ATOSA: variants seen among roughly 807,000 people sequenced by gnomAD.
The protein encoded by ATOSA is atos homolog protein A.
chr15:52,611,561 G>A, the ATOSA span: 9 of 1,612,758 alleles, frequency 5.6e-6, no homozygotes, highest in African/African-American at 2.7e-5. Flanking sequence ...TTTGAACTAC[G>A]TTCAACAACT....
chr15:52,666,750 G>A, the ATOSA span, among the ~76,000 whole-genome samples: 1 of 152,202 alleles, frequency 6.6e-6, no homozygotes, highest in Non-Finnish European at 1.5e-5. Context: ...ATGCAGCAGT[G>A]AACAAATGCC....
the ATOSA span, chr15:52,584,780 T>C: frequency 6.2e-6 from 10 of 1,613,778 alleles, no homozygotes; most frequent in Admixed American, 8.3e-5. Context: ...ACCGTTCTTC[T>C]GTGTGTCGGA....
the ATOSA span, chr15:52,649,681 CAA>C: frequency 6.6e-6 from 1 of 152,122 alleles, no homozygotes; most frequent in East Asian, 1.9e-4. Flanking sequence ...ATGACATAGA[CAA>C]AGACAATAAA....
chr15:52,660,604 C>T, the ATOSA span, among the ~76,000 whole-genome samples: 4 of 152,306 alleles, frequency 2.6e-5, no homozygotes, highest in Non-Finnish European at 4.4e-5. Flanking sequence ...AATTTATTAA[C>T]AATAACAACA....
the ATOSA span, chr15:52,678,242 G>C: frequency 1.6e-6 from 1 of 619,542 alleles, no homozygotes; most frequent in Non-Finnish European, 2.8e-6. Context: ...CCCTCGGCTG[G>C]TCTGAAAAAA....
At chr15:52,666,389 C>A in the ATOSA span, among the ~76,000 whole-genome samples, 1 of 152,178 alleles carries the variant, frequency 6.6e-6, no homozygotes, top group Admixed American at 6.5e-5. Context: ...GAACCTCGCA[C>A]AATACCTGAT....
chr15:52,638,418 C>T, the ATOSA span, among the ~76,000 whole-genome samples: 2 of 152,056 alleles, frequency 1.3e-5, no homozygotes, highest in Admixed American at 1.3e-4. Context: ...AAAAGAGTAC[C>T]ACTGTGGGCC....
chr15:52,604,655 T>C, the ATOSA span, among the ~76,000 whole-genome samples: 1 of 152,162 alleles, frequency 6.6e-6, no homozygotes, highest in Non-Finnish European at 1.5e-5. Context: ...TTGTGTTGCA[T>C]AACTAGGGGG....
At chr15:52,600,937 C>A in the ATOSA span, 23 of 579,422 alleles carry the variant, frequency 4.0e-5, no homozygotes, top group Admixed American at 1.1e-4. Context: ...CCACACTCAT[C>A]CTTAATAACT....
chr15:52,626,299 A>G, the ATOSA span, among the ~76,000 whole-genome samples: 7 of 152,274 alleles, frequency 4.6e-5, no homozygotes, highest in Non-Finnish European at 8.8e-5. Flanking sequence ...GTACTACGGG[A>G]AAAGTCTAGA....
chr15:52,641,660 C>G, the ATOSA span, among the ~76,000 whole-genome samples: 1 of 152,186 alleles, frequency 6.6e-6, no homozygotes, highest in Non-Finnish European at 1.5e-5. Flanking sequence ...ATTCATTACT[C>G]TCTGTGCAAA....
the ATOSA span, among the ~76,000 whole-genome samples, chr15:52,682,265 A>G: frequency 6.6e-6 from 1 of 151,820 alleles, no homozygotes; most frequent in African/African-American, 2.4e-5. Flanking sequence ...TGTGGGTTGA[A>G]ATGTGTTCTC....
chr15:52,672,236 C>T, the ATOSA span, among the ~76,000 whole-genome samples: 2,126 of 145,518 alleles, frequency 0.015, 40 homozygotes, highest in African/African-American at 0.043. Flanking sequence ...GTAGTCCCAG[C>T]TACTCTGGAA....
At chr15:52,655,096 G>A in the ATOSA span, among the ~76,000 whole-genome samples, 1 of 152,102 alleles carries the variant, frequency 6.6e-6, no homozygotes, top group Non-Finnish European at 1.5e-5. Context: ...AACCAAGTGG[G>A]TAAAGCCAGG....
the ATOSA span, among the ~76,000 whole-genome samples, chr15:52,640,717 T>C: frequency 6.6e-6 from 1 of 151,624 alleles, no homozygotes; most frequent in African/African-American, 2.4e-5. Context: ...TATATACTAC[T>C]AGATCTGAAA....
the ATOSA span, among the ~76,000 whole-genome samples, chr15:52,615,861 G>A: frequency 6.6e-6 from 1 of 152,186 alleles, no homozygotes; most frequent in South Asian, 2.1e-4. Flanking sequence ...CCTCAGAACA[G>A]CTCTAGAAGG....
At chr15:52,674,459 A>T in the ATOSA span, among the ~76,000 whole-genome samples, 1 of 152,208 alleles carries the variant, frequency 6.6e-6, no homozygotes, top group African/African-American at 2.4e-5. Context: ...GAATAACATT[A>T]AATTTTCCAG....
At chr15:52,590,125 A>T in the ATOSA span, among the ~76,000 whole-genome samples, 65 of 152,346 alleles carry the variant, frequency 4.3e-4, no homozygotes, top group East Asian at 0.013. Context: ...GTAGGGTTAA[A>T]ATAAATATGC....
At chr15:52,705,340 C>T in the ATOSA span, among the ~76,000 whole-genome samples, 14 of 151,630 alleles carry the variant, frequency 9.2e-5, no homozygotes, top group Admixed American at 7.2e-4. Flanking sequence ...GAACATCACA[C>T]ACTGGGGCCT....
Sources: gnomAD v4.1 joint callset for allele counts (sites outside exome capture counted in the v4.1 genomes callset) on GRCh38, gnomAD v4.1.1 for gene constraint, MANE v1.5 for transcripts, NCBI Gene and HGNC (gene_info 2026-07-23, HGNC 2026-07-21) for gene names.